ACACA: variants seen among roughly 807,000 people sequenced by gnomAD.
ACACA encodes acetyl-CoA carboxylase 1.
ACACA carries 103 observed loss-of-function variants against 296.1 expected under a neutral mutation model. The observed-to-expected ratio is 0.35, with a 90% confidence interval of 0.30 to 0.41. ACACA has a LOEUF of 0.41. Among genes scored for constraint, ACACA ranks in the 10% least tolerant of loss-of-function variants. ACACA has a pLI of 1.00. For missense variants in ACACA, 1,554 were observed against 2,989.7 expected, an observed-to-expected ratio of 0.52 and a Z score of 11.20; for synonymous variants, 953 against 1,038.6, an observed-to-expected ratio of 0.92 and a Z score of 1.58.
intron 43 of ACACA, among the ~76,000 whole-genome samples, chr17:37,154,394 C>T (rs751142703): frequency 3.3e-5 from 5 of 151,922 alleles, no homozygotes; most frequent in African/African-American, 7.3e-5. Context: ...ATTTGCCTCA[C>T]TAGAATAGTT....
At chr17:37,297,917 T>TTA (rs1004164309) in intron 3 of ACACA, among the ~76,000 whole-genome samples, 26 of 152,158 alleles carry the variant, frequency 1.7e-4, no homozygotes, top group African/African-American at 6.3e-4. Flanking sequence ...TGATACTATA[T>TTA]TATATATATA....
chr17:37,241,118 C>T (rs758288872), intron 23 of ACACA, among the ~76,000 whole-genome samples: 7 of 152,022 alleles, frequency 4.6e-5, no homozygotes, highest in Non-Finnish European at 7.4e-5. Flanking sequence ...TTGCTTGAGC[C>T]TGGGAGGCAG....
At chr17:37,200,957 C>T (rs1191076244) in intron 33 of ACACA, among the ~76,000 whole-genome samples, 1 of 152,198 alleles carries the variant, frequency 6.6e-6, no homozygotes, top group African/African-American at 2.4e-5. Context: ...CCATCAGATA[C>T]AGCATCCCTA....
chr17:37,327,478 G>C lies in ACACA; in HGVS notation c.338+2695C>G, dbSNP rs146386136. Among the ~76,000 whole-genome samples the C allele has an allele frequency of 1.7e-4, 26 of 152,204 alleles. No individual in the cohort carries two copies. In the East Asian group the frequency reaches 5.0e-3, roughly 29 times the overall value. On this transcript the variant is annotated intron_variant, in intron 3 of 55. Transcript: ENST00000616317. Reference sequence around the variant, plus strand: ...ACACTTCAATCCATGGCTCCTCCACGAGCTACGGACATGATTTTTGCAACA... The same window carrying C: ...ACACTTCAATCCATGGCTCCTCCACCAGCTACGGACATGATTTTTGCAACA...
rs2081305451 is a variant in ACACA, at chr17:37,258,307, C to T, written c.1567G>A (p.Gly523Ser). ...IRMMYGVSPWGDSPIDFEDSA... is the reference protein window; with the variant it reads ...IRMMYGVSPWSDSPIDFEDSA... The stretch of plus-strand genomic sequence containing the variant: ...TCTTCAAAATCAATGGGAGAATCAC[C>T]CCAGGGAGATACCCCATACATCATA... Residue 523 changes from glycine to serine, a missense_variant, in exon 13 of 56, where the codon GGT (glycine) becomes AGT (serine). Around this residue, in one of 16 missense-constraint regions of ACACA, gnomAD observed 37 missense variants for 49.9 expected, o/e 0.74. Transcript: ENST00000616317. The T allele has an allele frequency of 1.2e-6, 2 of 1,613,884 alleles. No homozygotes were observed. Among genetic ancestry groups the T allele is most frequent in the African/African-American group, 1.3e-5 (1 of 74,864 alleles).
rs879308196 is a variant in ACACA, at chr17:37,240,361, G to C, written c.3121+115C>G. Reference sequence around the variant, plus strand: ...AGTGATAGGAGACTGTTTATTAATGGGAAGTGTTGTTGACAGGAGGGGGCT... The same window carrying C: ...AGTGATAGGAGACTGTTTATTAATGCGAAGTGTTGTTGACAGGAGGGGGCT... On this transcript the variant is annotated intron_variant, in intron 24 of 55. Transcript: ENST00000616317. 2.6e-4 allele frequency: 214 copies of C among 816,300 alleles called. 1 individual carries two copies. Among genetic ancestry groups the C allele is most frequent in the Non-Finnish European group, 4.0e-4 (194 of 487,028 alleles). 50.6% of individuals were successfully genotyped at this position (816,300 alleles called of 1,614,324 possible). A position where few individuals can be genotyped will look rare whatever the true frequency, so the allele number is the denominator to read the frequency against.
intron 39 of ACACA, among the ~76,000 whole-genome samples, chr17:37,183,922 G>A (rs532689431): frequency 4.9e-5 from 7 of 142,184 alleles, no homozygotes; most frequent in Non-Finnish European, 7.5e-5. Flanking sequence ...GTGCGATCTC[G>A]GCTCACCACA....
chr17:37,385,957 G>C, intron 1 of ACACA: 1 of 1,249,486 alleles, frequency 8.0e-7, no homozygotes, highest in East Asian at 2.5e-5. Context: ...TAAAACCAAA[G>C]GCAGGATAAA....
intron 52 of ACACA, among the ~76,000 whole-genome samples, chr17:37,104,944 G>GAAAA (rs66518229): frequency 1.1e-4 from 6 of 56,608 alleles, no homozygotes; most frequent in Admixed American, 2.3e-4. Context: ...GTCTCTGACC[G>GAAAA]AAAAAAAAAA....
At chr17:37,101,034 T>C (rs886542244) in intron 52 of ACACA, among the ~76,000 whole-genome samples, 5 of 151,584 alleles carry the variant, frequency 3.3e-5, no homozygotes, top group African/African-American at 4.8e-5. Context: ...GAACTGGAGT[T>C]TGCAGTGAGT....
chr17:37,200,515 G>C lies in ACACA; in HGVS notation c.4057-32C>G, dbSNP rs775412938. The C allele has an allele frequency of 3.2e-6, 5 of 1,575,948 alleles. No individual in the cohort carries two copies. The East Asian group carries it at 9.0e-5, about 28-fold the overall frequency. On this transcript the variant is annotated intron_variant, in intron 33 of 55. Coordinates refer to ENST00000616317, the MANE Select transcript of ACACA (RefSeq NM_198834.3). ...GCAAAAACATGTAAAACAGAAGATA[G>C]ATGAGATTTCCATTCATTCTAAATT...
Position 37,235,041 on chromosome 17 carries a change from A to C in ACACA, c.3180T>G (p.Thr1060=). 6.2e-7 allele frequency: 1 copy of C among 1,613,874 alleles called. No homozygotes were observed. Among genetic ancestry groups the C allele is most frequent in the Non-Finnish European group, 8.5e-7 (1 of 1,179,894 alleles). Residue 1060 remains threonine, a synonymous_variant, in exon 25 of 56, where the codon ACT becomes ACG. Transcript: ENST00000616317. ...CGTGAGAGAAGATGTAGTTCAGTAC[A>C]GTGTTCATGTCACTTTTATTCTCTT... ...LREENKSDMN[T]VLNYIFSHAQ...
intron 33 of ACACA, among the ~76,000 whole-genome samples, chr17:37,205,437 T>TAAA (rs1395236549): frequency 1.3e-5 from 2 of 152,134 alleles, no homozygotes; most frequent in Non-Finnish European, 2.9e-5. Context: ...AAGGGGAGTT[T>TAAA]AGGCTTAGAC....
chr17:37,283,535 G>C (rs760479336), intron 4 of ACACA, 130 bp from the exon 5 acceptor site: 8 of 1,178,006 alleles, frequency 6.8e-6, no homozygotes, highest in African/African-American at 1.5e-5. Flanking sequence ...AAGAATTCTT[G>C]TTACTGGTCC....
At chr17:37,323,148 G>A (rs1490469396) in intron 3 of ACACA, among the ~76,000 whole-genome samples, 1 of 152,282 alleles carries the variant, frequency 6.6e-6, no homozygotes, top group Non-Finnish European at 1.5e-5. Flanking sequence ...CCGTGGGGCT[G>A]GAGCCCAAAA....
chr17:37,353,500 A>G (rs1486529127), intron 1 of ACACA, among the ~76,000 whole-genome samples: 1 of 151,866 alleles, frequency 6.6e-6, no homozygotes, highest in African/African-American at 2.4e-5. Context: ...TTAGCCGAGC[A>G]TGGTGGTGTG....
At chr17:37,161,600 T>C (rs545407742) in intron 42 of ACACA, 181 bp downstream of exon 42, 13 of 718,238 alleles carry the variant, frequency 1.8e-5, no homozygotes, top group Non-Finnish European at 2.7e-5. Flanking sequence ...AGTGAACATA[T>C]TGAGAAATAA....
rs142065549 is a variant in ACACA at position 37,108,089 on chromosome 17, G to A, written c.6565+3442C>T. Reference sequence around the variant, plus strand: ...CTTGCAATGACTCTACCAAGCCCTGGTTCTGTGAATCAGGGTCAGAACTGA... The same window carrying A: ...CTTGCAATGACTCTACCAAGCCCTGATTCTGTGAATCAGGGTCAGAACTGA... On this transcript the variant is annotated intron_variant, in intron 52 of 55. Coordinates refer to ENST00000616317, the MANE Select transcript of ACACA (RefSeq NM_198834.3). Among the ~76,000 whole-genome samples the A allele has an allele frequency of 4.7e-3, 709 of 152,304 alleles. 5 individuals carry two copies. Among genetic ancestry groups the A allele is most frequent in the Non-Finnish European group, 6.5e-3 (444 of 68,020 alleles).
intron 45 of ACACA, among the ~76,000 whole-genome samples, chr17:37,131,671 C>T (rs976177853): frequency 2.0e-5 from 3 of 152,170 alleles, no homozygotes; most frequent in Non-Finnish European, 2.9e-5. Context: ...GGGTCAGCAC[C>T]CCCATCGGGA....
Sources: gnomAD v4.1 joint callset for allele counts (sites outside exome capture counted in the v4.1 genomes callset) on GRCh38, gnomAD v4.1.1 for gene constraint, gnomAD v4.1.1 regional missense constraint, MANE v1.5 for transcripts, NCBI Gene and HGNC (gene_info 2026-07-23, HGNC 2026-07-21) for gene names.